CNTNAP2: variants seen among roughly 807,000 people sequenced by gnomAD.
CNTNAP2 encodes contactin associated protein 2.
In CNTNAP2, 98 loss-of-function variants were observed where a neutral mutation model predicts 155.2. The ratio of observed to expected loss-of-function variants is 0.63; its 90% CI spans 0.54 to 0.75. The LOEUF (loss-of-function observed/expected upper bound fraction) is 0.75, where lower values mean the gene tolerates loss of function less well. Among genes scored for constraint, CNTNAP2 ranks in the 30% least tolerant of loss-of-function variants. The probability of loss-of-function intolerance (pLI) is 0.00; values close to 1 mark genes in which losing one functional copy is unlikely to be tolerated. For synonymous variants in CNTNAP2, 651 were observed against 631.2 expected, an observed-to-expected ratio of 1.03 and a Z score of -0.47; for missense variants, 1,727 against 1,688.1, an observed-to-expected ratio of 1.02 and a Z score of -0.40.
intron 18 of CNTNAP2, chr7:148,189,731 A>G (rs1433273346): frequency 6.6e-6 from 1 of 152,260 alleles, no homozygotes; most frequent in Admixed American, 6.5e-5. Context: ...GGACTGAGAC[A>G]GGCTGCTATA....
chr7:148,073,789 A>G (rs1803425588), intron 15 of CNTNAP2, among the ~76,000 whole-genome samples: 1 of 151,950 alleles, frequency 6.6e-6, no homozygotes, highest in Non-Finnish European at 1.5e-5. Flanking sequence ...TTCAATAAAT[A>G]CAGCAGGCCC....
chr7:148,157,796 G>A (rs144929100), intron 17 of CNTNAP2, among the ~76,000 whole-genome samples: 9 of 152,070 alleles, frequency 5.9e-5, no homozygotes, highest in East Asian at 1.9e-4. Context: ...GAGTGATGTC[G>A]TAATTAGAAA....
chr7:147,463,156 G>A (rs1206510769), intron 10 of CNTNAP2, among the ~76,000 whole-genome samples: 1 of 152,136 alleles, frequency 6.6e-6, no homozygotes, highest in Non-Finnish European at 1.5e-5. Flanking sequence ...AAAGAAACAA[G>A]TGTGAAGAAG....
At chr7:147,749,013 C>G (rs1397881170) in intron 13 of CNTNAP2, among the ~76,000 whole-genome samples, 1 of 152,188 alleles carries the variant, frequency 6.6e-6, no homozygotes, top group Non-Finnish European at 1.5e-5. Context: ...TCTGAGATCT[C>G]TGTCAACGAT....
intron 1 of CNTNAP2, among the ~76,000 whole-genome samples, chr7:146,711,905 AG>A (rs1214790223): frequency 1.1e-5 from 1 of 90,524 alleles, no homozygotes; most frequent in East Asian, 2.9e-4. Flanking sequence ...TATACTATAT[AG>A]TATACACATC....
intron 8 of CNTNAP2, chr7:147,162,094 C>T (rs769607932): frequency 1.3e-5 from 2 of 152,158 alleles, no homozygotes; most frequent in Non-Finnish European, 2.9e-5. Context: ...TGGGCAATCC[C>T]TCAACTCACT....
At chr7:148,329,211 C>T (rs1033246731) in intron 21 of CNTNAP2, among the ~76,000 whole-genome samples, 8 of 152,030 alleles carry the variant, frequency 5.3e-5, no homozygotes, top group African/African-American at 1.9e-4. Context: ...TTCCAGTGGC[C>T]ATTGCTATGT....
intron 5 of CNTNAP2, among the ~76,000 whole-genome samples, chr7:147,114,484 C>G (rs1175348233): frequency 1.3e-5 from 2 of 152,164 alleles, no homozygotes; most frequent in Non-Finnish European, 2.9e-5. Flanking sequence ...CTTTATGAAT[C>G]TGGGTGCTCC....
chr7:147,455,432 A>G (rs1797903482), intron 10 of CNTNAP2, among the ~76,000 whole-genome samples: 1 of 152,184 alleles, frequency 6.6e-6, no homozygotes. Context: ...TAACAATGCC[A>G]GAATTTACTG....
intron 18 of CNTNAP2, among the ~76,000 whole-genome samples, chr7:148,203,826 G>T (rs1449360399): frequency 6.6e-6 from 1 of 152,166 alleles, no homozygotes; most frequent in Admixed American, 6.5e-5. Context: ...AGCCAGAGGG[G>T]TCATTGCCAA....
chr7:147,263,204 C>T (rs1804530858), intron 8 of CNTNAP2, among the ~76,000 whole-genome samples: 1 of 151,814 alleles, frequency 6.6e-6, no homozygotes, highest in Admixed American at 6.6e-5. Context: ...AAAGGTTAGC[C>T]AGGCATGGTA....
chr7:147,986,622 G>A (rs898168298), intron 15 of CNTNAP2, among the ~76,000 whole-genome samples: 1 of 152,138 alleles, frequency 6.6e-6, no homozygotes, highest in African/African-American at 2.4e-5. Context: ...TCGAGAAACA[G>A]TTTAATACAG....
intron 21 of CNTNAP2, among the ~76,000 whole-genome samples, chr7:148,323,303 T>TC (rs1797832344): frequency 1.4e-5 from 2 of 138,314 alleles, no homozygotes; most frequent in African/African-American, 5.1e-5. Context: ...TCTTTTTTTT[T>TC]TTTTTTTTTT....
At chr7:146,848,092 G>A (rs1284744350) in intron 3 of CNTNAP2, among the ~76,000 whole-genome samples, 1 of 152,142 alleles carries the variant, frequency 6.6e-6, no homozygotes, top group Non-Finnish European at 1.5e-5. Context: ...CAAATCAGCT[G>A]CACCAGGAAC....
At chr7:146,826,076 A>G (rs554607916) in intron 2 of CNTNAP2, among the ~76,000 whole-genome samples, 1 of 152,232 alleles carries the variant, frequency 6.6e-6, no homozygotes, top group East Asian at 1.9e-4. Context: ...TCTGCCCCAG[A>G]AAATAATGAA....
At chr7:146,246,257 C>T (rs552328175) in intron 1 of CNTNAP2, among the ~76,000 whole-genome samples, 20 of 149,992 alleles carry the variant, frequency 1.3e-4, no homozygotes, top group Middle Eastern at 3.5e-3. Context: ...AAGAGGAGGA[C>T]GCAAAGGAGG....
chr7:146,945,934 C>A (rs1262647864), intron 3 of CNTNAP2, among the ~76,000 whole-genome samples: 1 of 152,112 alleles, frequency 6.6e-6, no homozygotes, highest in Non-Finnish European at 1.5e-5. Context: ...TGTGCTAAGA[C>A]CTCCTCCTGC....
chr7:146,613,882 C>T (rs955896112), intron 1 of CNTNAP2, among the ~76,000 whole-genome samples: 4 of 152,228 alleles, frequency 2.6e-5, no homozygotes, highest in African/African-American at 9.6e-5. Context: ...CTCTAAACTA[C>T]GTGTTCCAAG....
At chr7:148,136,121 G>A (rs1804944376) in intron 16 of CNTNAP2, among the ~76,000 whole-genome samples, 1 of 126,040 alleles carries the variant, frequency 7.9e-6, no homozygotes. Context: ...AGGAAGGGAG[G>A]GAAGGGAGGG....
Sources: gnomAD v4.1 joint callset for allele counts (sites outside exome capture counted in the v4.1 genomes callset) on GRCh38, gnomAD v4.1.1 for gene constraint, MANE v1.5 for transcripts, NCBI Gene and HGNC (gene_info 2026-07-23, HGNC 2026-07-21) for gene names.